The following SLC35E2B variants were observed in gnomAD, a reference collection of about 807,000 sequenced individuals.
SLC35E2B encodes the protein solute carrier family 35 member E2B.
SLC35E2B carries 18 observed loss-of-function variants against 32.4 expected under a neutral mutation model. That is an observed-to-expected ratio of 0.56 (90% CI 0.38 to 0.82). The LOEUF is 0.82. SLC35E2B is among the 40% of genes least tolerant of loss of function. The pLI is 0.00. For synonymous variants in SLC35E2B, 132 were observed against 209.1 expected, an observed-to-expected ratio of 0.63 and a Z score of 3.18; for missense variants, 263 against 469.5, an observed-to-expected ratio of 0.56 and a Z score of 4.06.
In SLC35E2B at chr1:1,663,928, C is replaced by A. The variant is rs1469189906; in HGVS notation, c.*1854G>T. 1.6e-6 allele frequency: 1 copy of A among 633,154 alleles called. No individual in the cohort carries two copies. The highest frequency in any genetic ancestry group is 2.0e-6 in the Non-Finnish European group (1 of 504,324). 39.2% of individuals were successfully genotyped at this position (633,154 alleles called of 1,614,324 possible). On this transcript the variant is annotated 3_prime_UTR_variant, in exon 10 of 10. Transcript: ENST00000617444. Reference sequence around the variant, plus strand: ...CGGCTGAAGCAGGTGTAGTAGCCCACGCCTATATTCTCGACACTACAGGAG... The same window carrying A: ...CGGCTGAAGCAGGTGTAGTAGCCCAAGCCTATATTCTCGACACTACAGGAG...
At chr1:1,667,816 C>G (rs572568542) in intron 9 of SLC35E2B, among the ~76,000 whole-genome samples, 3 of 152,134 alleles carry the variant, frequency 2.0e-5, no homozygotes, top group East Asian at 3.9e-4. Context: ...CTATTTCACA[C>G]AGTTTACGGT....
chr1:1,689,784 C>T (rs1239272894), intron 2 of SLC35E2B, among the ~76,000 whole-genome samples: 2 of 151,020 alleles, frequency 1.3e-5, no homozygotes, highest in Non-Finnish European at 3.0e-5. Flanking sequence ...GTCGGGAGCT[C>T]GAGACCAGCC....
In SLC35E2B at chr1:1,692,544, G is replaced by A. The variant is rs1644027965; in HGVS notation, c.-661C>T. On this transcript the variant is annotated 5_prime_UTR_variant, in exon 1 of 10. Coordinates refer to ENST00000617444, the MANE Select transcript of SLC35E2B (RefSeq NM_001290264.2). ...GGCGGGCGGGGCCTGAGAGGCGCGC[G>A]GTGGAGGGGCCGGGCGCGAGGCCGC... 1 of 986,206 alleles carries A rather than the reference G, an allele frequency of 1.0e-6. No individual in the cohort carries two copies. The allele number at this position is 986,206 out of a possible 1,614,324, so 61.1% of individuals were successfully genotyped here.
At chr1:1,678,568 G>A (rs1373639889) in intron 2 of SLC35E2B, among the ~76,000 whole-genome samples, 3 of 152,086 alleles carry the variant, frequency 2.0e-5, no homozygotes, top group East Asian at 1.9e-4. Context: ...CTGACCCCTC[G>A]GTGCACCAGG....
chr1:1,687,364 C>T (rs1643964731), intron 2 of SLC35E2B, among the ~76,000 whole-genome samples: 2 of 152,096 alleles, frequency 1.3e-5, no homozygotes, highest in African/African-American at 4.8e-5. Context: ...ATTACCCGAG[C>T]TCAGGAGTTC....
chr1:1,688,031 A>G (rs1464008604), intron 2 of SLC35E2B, among the ~76,000 whole-genome samples: 1 of 152,144 alleles, frequency 6.6e-6, no homozygotes, highest in African/African-American at 2.4e-5. Context: ...GGCTGCGCCG[A>G]AAGTTTGTGA....
chr1:1,674,848 G>C (rs28678861), intron 5 of SLC35E2B, among the ~76,000 whole-genome samples: 145,019 of 152,110 alleles, frequency 0.95, 69,440 homozygotes, highest in Middle Eastern at 0.99. Context: ...TGCACCCCCC[G>C]ACTCCGTTCA....
At chr1:1,689,873 G>A (rs1643998405) in intron 2 of SLC35E2B, among the ~76,000 whole-genome samples, 1 of 150,914 alleles carries the variant, frequency 6.6e-6, no homozygotes, top group African/African-American at 2.4e-5. Flanking sequence ...TGTAATCCCA[G>A]CTACTCGGGA....
rs1643480187 is a variant in SLC35E2B, at chr1:1,664,184, C to CA, written c.*1597dup. 4 of 567,920 alleles carry CA rather than the reference C, an allele frequency of 7.0e-6. No homozygotes were observed. Among genetic ancestry groups the CA allele is most frequent in the South Asian group, 7.0e-5 (1 of 14,314 alleles). The allele number at this position is 567,920 out of a possible 1,614,324, so 35.2% of individuals were successfully genotyped here. A position where few individuals can be genotyped will look rare whatever the true frequency, so the allele number is the denominator to read the frequency against. ...GGTGACAGACAGAGCAAGACTGTCTCAAAAAAATAAAAAGGTTACTTGTGG... is the reference window on the plus strand; with the variant it reads ...GGTGACAGACAGAGCAAGACTGTCTCAAAAAAAATAAAAAGGTTACTTGTGG... On this transcript the variant is annotated 3_prime_UTR_variant, in exon 10 of 10. Coordinates refer to ENST00000617444, the MANE Select transcript of SLC35E2B (RefSeq NM_001290264.2).
chr1:1,675,363 C>A, intron 5 of SLC35E2B, 100 bp downstream of exon 5: 2 of 773,094 alleles, frequency 2.6e-6, no homozygotes, highest in Non-Finnish European at 4.2e-6. Context: ...CTGAGTGGTC[C>A]TCGCGGCAGA....
At chr1:1,668,131 C>T (rs1643590577) in intron 9 of SLC35E2B, among the ~76,000 whole-genome samples, 196 bp downstream of exon 9, 1 of 152,092 alleles carries the variant, frequency 6.6e-6, no homozygotes, top group Admixed American at 6.6e-5. Context: ...GGATTACAGG[C>T]ATGAGCCACT....
In SLC35E2B at chr1:1,667,361, C is replaced by T. The variant is rs565049195; in HGVS notation, c.980+966G>A. Among the ~76,000 whole-genome samples, 21 of 151,958 alleles carry T rather than the reference C, an allele frequency of 1.4e-4. 1 individual carries two copies. In the East Asian group the frequency reaches 1.9e-3, roughly 14 times the overall value. ...CCGGGAGGCGGAGCTTGCAGTGAGC[C>T]GAGACTGCGATACTGAACTCCAGCC... On this transcript the variant is annotated intron_variant, in intron 9 of 9. Transcript: ENST00000617444.
At chr1:1,687,613 T>C (rs1376670685) in intron 2 of SLC35E2B, among the ~76,000 whole-genome samples, 3 of 151,990 alleles carry the variant, frequency 2.0e-5, no homozygotes, top group Non-Finnish European at 4.4e-5. Context: ...CAGGCGCCTG[T>C]AGTCCCAGCT....
intron 2 of SLC35E2B, among the ~76,000 whole-genome samples, chr1:1,679,351 G>C (rs539309709): frequency 6.6e-6 from 1 of 152,094 alleles, no homozygotes; most frequent in Non-Finnish European, 1.5e-5. Flanking sequence ...CAGCATCCCA[G>C]GCAAAACTGC....
At chr1:1,674,064 C>T (rs373633004) in intron 5 of SLC35E2B, 3 of 182,568 alleles carry the variant, frequency 1.6e-5, no homozygotes, top group Non-Finnish European at 3.8e-5. Context: ...CTGGCTAGTA[C>T]GTGAATTGGA....
At chr1:1,670,571 G>A (rs1229906883) in intron 6 of SLC35E2B, 4 of 160,812 alleles carry the variant, frequency 2.5e-5, no homozygotes, top group South Asian at 1.6e-4. Flanking sequence ...ACAGGCGTCC[G>A]CCACTATGCC....
rs1389155593 is a variant in SLC35E2B, at chr1:1,663,383, C to T, written c.*2399G>A. The T allele has an allele frequency of 4.7e-5, 41 of 879,564 alleles. 2 individuals carry two copies. The highest frequency in any genetic ancestry group is 2.3e-4 in the East Asian group (1 of 4,356). The allele number at this position is 879,564 out of a possible 1,614,324, so 54.5% of individuals were successfully genotyped here. ...TCAAAGAGGCCGGCAGCCACATTCT[C>T]GACGGGGAGGTGGACAAGGCCACCC... On this transcript the variant is annotated 3_prime_UTR_variant, in exon 10 of 10. Coordinates refer to ENST00000617444, the MANE Select transcript of SLC35E2B (RefSeq NM_001290264.2).
intron 2 of SLC35E2B, among the ~76,000 whole-genome samples, chr1:1,686,622 T>C (rs1459430571): frequency 6.7e-6 from 1 of 150,104 alleles, no homozygotes; most frequent in Non-Finnish European, 1.5e-5. Context: ...AAAAGTTAGC[T>C]GGGTGCAGTG....
Position 1,664,961 on chromosome 1 carries a change from A to G in SLC35E2B, c.*821T>C, listed in dbSNP as rs1259583730. ...TCCAAAAAAGAAAAGGAACGTACACATCTCCTCCCAAGTTAAACACGAGAG... is the reference window on the plus strand; with the variant it reads ...TCCAAAAAAGAAAAGGAACGTACACGTCTCCTCCCAAGTTAAACACGAGAG... On this transcript the variant is annotated 3_prime_UTR_variant, in exon 10 of 10. Transcript: ENST00000617444. 2 of 970,924 alleles carry G rather than the reference A, an allele frequency of 2.1e-6. No individual in the cohort carries two copies. The highest frequency in any genetic ancestry group is 1.2e-4 in the Admixed American group (2 of 16,230). The allele number at this position is 970,924 out of a possible 1,614,324, so 60.1% of individuals were successfully genotyped here.
Sources: allele counts gnomAD v4.1 joint callset (sites outside exome capture counted in the v4.1 genomes callset), GRCh38; gene constraint gnomAD v4.1.1; transcripts MANE v1.5; gene names NCBI Gene and HGNC (gene_info 2026-07-23, HGNC 2026-07-21).